Variants in CADM2 observed in about 807,000 individuals in gnomAD.
CADM2 encodes cell adhesion molecule 2, also known as immunoglobulin superfamily member 4D.
In CADM2, 12 loss-of-function variants were observed where a neutral mutation model predicts 49.8. That is an observed-to-expected ratio of 0.24 (90% confidence interval 0.15 to 0.39). CADM2 has a LOEUF of 0.39. CADM2 is among the 10% of genes least tolerant of loss of function. The pLI is 1.00. For synonymous variants in CADM2, 214 were observed against 175.4 expected (o/e 1.22, Z -1.74); for missense variants, 378 against 492.3 (o/e 0.77, Z 2.20).
At chr3:85,255,049 T>A (rs2042854499) in intron 1 of CADM2, among the ~76,000 whole-genome samples, 1 of 152,080 alleles carries the variant, frequency 6.6e-6, no homozygotes, top group African/African-American at 2.4e-5. Context: ...AAACTCATAG[T>A]CCAAGTATGT....
At chr3:85,583,614 T>C (rs2062855567) in intron 1 of CADM2, among the ~76,000 whole-genome samples, 1 of 152,162 alleles carries the variant, frequency 6.6e-6, no homozygotes, top group African/African-American at 2.4e-5. Flanking sequence ...AGAAGATGTT[T>C]ATTTTTAAAT....
chr3:85,974,614 G>A (rs913772774), intron 8 of CADM2, among the ~76,000 whole-genome samples: 6 of 151,582 alleles, frequency 4.0e-5, no homozygotes, highest in African/African-American at 1.5e-4. Context: ...CCATGGTCCT[G>A]TAAACAGATT....
intron 1 of CADM2, among the ~76,000 whole-genome samples, chr3:85,360,331 A>G (rs986379925): frequency 2.0e-5 from 3 of 152,172 alleles, no homozygotes; most frequent in Non-Finnish European, 2.9e-5. Flanking sequence ...TATATGTTCT[A>G]TCCTATCAAA....
intron 8 of CADM2, among the ~76,000 whole-genome samples, chr3:86,053,576 A>C (rs1378623028): frequency 1.3e-5 from 2 of 152,100 alleles, no homozygotes; most frequent in Admixed American, 6.6e-5. Flanking sequence ...ACATGTGCTC[A>C]GGCATCCATA....
intron 3 of CADM2, among the ~76,000 whole-genome samples, chr3:85,808,735 T>TA (rs1239627058): frequency 2.0e-5 from 3 of 152,164 alleles, no homozygotes; most frequent in Non-Finnish European, 4.4e-5. Context: ...TAATAATCCT[T>TA]AAAAATTTCC....
At chr3:85,219,994 TA>T (rs1257709414) in intron 1 of CADM2, among the ~76,000 whole-genome samples, 1 of 152,178 alleles carries the variant, frequency 6.6e-6, no homozygotes, top group Non-Finnish European at 1.5e-5. Flanking sequence ...TTAGGAGGTA[TA>T]ATGGAGATAG....
intron 1 of CADM2, among the ~76,000 whole-genome samples, chr3:85,610,537 A>G (rs1192558416): frequency 4.6e-5 from 7 of 151,968 alleles, no homozygotes; most frequent in African/African-American, 7.2e-5. Flanking sequence ...ACGATGCACC[A>G]GGCACTCTCA....
intron 2 of CADM2, among the ~76,000 whole-genome samples, chr3:85,739,396 G>A (rs925541530): frequency 6.6e-6 from 1 of 151,976 alleles, no homozygotes; most frequent in African/African-American, 2.4e-5. Context: ...TACATTCTAT[G>A]TTATTAAAGT....
chr3:85,618,662 A>G (rs1394129569), intron 1 of CADM2, among the ~76,000 whole-genome samples: 1 of 152,032 alleles, frequency 6.6e-6, no homozygotes, highest in Non-Finnish European at 1.5e-5. Context: ...TCTGTATATA[A>G]GGAGAGAGTA....
chr3:85,790,287 T>C (rs2071246733), intron 2 of CADM2, among the ~76,000 whole-genome samples: 1 of 152,170 alleles, frequency 6.6e-6, no homozygotes, highest in African/African-American at 2.4e-5. Flanking sequence ...CAAGAATTTA[T>C]TCCAAATATA....
At chr3:85,559,324 AC>A (rs2062033632) in intron 1 of CADM2, among the ~76,000 whole-genome samples, 1 of 152,074 alleles carries the variant, frequency 6.6e-6, no homozygotes, top group Admixed American at 6.6e-5. Context: ...TAAAAATGGC[AC>A]CTTTTGATAA....
In CADM2 at chr3:84,978,699, A is replaced by G. The variant is rs531149854; in HGVS notation, c.61+19031A>G. ...TCCTGTTTTATTGCTTAACATTGCT[A>G]GGAGTTCAGCATGTGTGTTCTTTTT... is the stretch of plus-strand genomic sequence containing the variant. On this transcript the variant is annotated intron_variant, in intron 1 of 9. Transcript: ENST00000383699. Among the ~76,000 whole-genome samples, 8 of 152,270 alleles carry G rather than the reference A, an allele frequency of 5.3e-5. No individual in the cohort carries two copies. The South Asian group carries it at 1.7e-3, about 32-fold the overall frequency.
chr3:85,310,166 G>T (rs916944012), intron 1 of CADM2, among the ~76,000 whole-genome samples: 4 of 152,084 alleles, frequency 2.6e-5, no homozygotes, highest in Non-Finnish European at 5.9e-5. Context: ...TTTCCAAAAC[G>T]AATACATTTA....
intron 1 of CADM2, among the ~76,000 whole-genome samples, chr3:85,304,558 A>G (rs1341034926): frequency 1.3e-5 from 2 of 151,796 alleles, no homozygotes; most frequent in African/African-American, 4.8e-5. Flanking sequence ...AGTCCTGTCC[A>G]CCAGAGGGCA....
chr3:85,523,370 A>G (rs2061074844), intron 1 of CADM2, among the ~76,000 whole-genome samples: 1 of 152,286 alleles, frequency 6.6e-6, no homozygotes, highest in Non-Finnish European at 1.5e-5. Context: ...TAAATGAATT[A>G]TGCATCTCTT....
chr3:85,322,322 A>C (rs1017030717), intron 1 of CADM2, among the ~76,000 whole-genome samples: 7 of 152,280 alleles, frequency 4.6e-5, no homozygotes, highest in African/African-American at 1.7e-4. Context: ...AGGTGTTGTC[A>C]TCTTGTTATC....
intron 7 of CADM2, among the ~76,000 whole-genome samples, chr3:85,942,051 G>T (rs1721979188): frequency 6.6e-6 from 1 of 152,014 alleles, no homozygotes; most frequent in South Asian, 2.1e-4. Flanking sequence ...GTAGAATTGG[G>T]ATTACAAACA....
At chr3:85,958,454 C>T (rs1361898966) in intron 7 of CADM2, among the ~76,000 whole-genome samples, 3 of 151,842 alleles carry the variant, frequency 2.0e-5, no homozygotes, top group Non-Finnish European at 4.4e-5. Flanking sequence ...TGGATATATA[C>T]ATAAAGGAAT....
chr3:85,744,901 T>C lies in CADM2; in HGVS notation c.88+18353T>C, dbSNP rs375153686. On this transcript the variant is annotated intron_variant, in intron 2 of 9. Transcript: ENST00000383699. ...AAGCATTGGCAGGGCAGCGGAAGAA[T>C]GGCATGCTCTGCCTTATGAATTTAA... Among the ~76,000 whole-genome samples the C allele has an allele frequency of 1.1e-4, 17 of 152,300 alleles. 1 individual carries two copies. Among genetic ancestry groups the C allele is most frequent in the East Asian group, 9.7e-4 (5 of 5,180 alleles).
Sources: gnomAD v4.1 joint callset for allele counts (sites outside exome capture counted in the v4.1 genomes callset) on GRCh38, gnomAD v4.1.1 for gene constraint, MANE v1.5 for transcripts, NCBI Gene and HGNC (gene_info 2026-07-23, HGNC 2026-07-21) for gene names.